The following THADA variants were observed in gnomAD, a reference collection of about 807,000 sequenced individuals.
THADA encodes the protein tRNA (32-2'-O)-methyltransferase regulator THADA.
Under a neutral mutation model 219.8 loss-of-function variants are expected in THADA, and 213 were observed. The observed-to-expected ratio is 0.97, with a 90% CI of 0.87 to 1.09. The LOEUF is 1.09. Ranked by LOEUF, THADA falls within the 50% of genes least tolerant of loss-of-function variation. The probability of loss-of-function intolerance (pLI) is 0.00; values close to 1 mark genes in which losing one functional copy is unlikely to be tolerated. For missense variants in THADA, 2,956 were observed against 2,311.3 expected (o/e 1.28, Z -5.72); for synonymous variants, 1,018 against 828.9 (o/e 1.23, Z -3.92).
At chr2:43,421,184 G>T (rs1677671274) in intron 28 of THADA, among the ~76,000 whole-genome samples, 1 of 152,208 alleles carries the variant, frequency 6.6e-6, no homozygotes, top group Admixed American at 6.5e-5. Flanking sequence ...CTGAACACCT[G>T]TGCCTCAACA....
chr2:43,576,399 AG>A (rs1262397707), intron 10 of THADA, among the ~76,000 whole-genome samples: 9 of 152,190 alleles, frequency 5.9e-5, no homozygotes, highest in African/African-American at 2.2e-4. Flanking sequence ...TTGCTGTTTC[AG>A]GTTCTTATTA....
rs186399134 is a variant in THADA at position 43,535,451 on chromosome 2, G to C, written c.3264+5708C>G. On this transcript the variant is annotated intron_variant, in intron 21 of 37. Transcript: ENST00000405975. ...CCTAGCATTTTGGGAGTCCACGTCG[G>C]GCAGATCACCTGAGGTCAGGAGTCT... Among the ~76,000 whole-genome samples the C allele has an allele frequency of 1.1e-4, 17 of 151,056 alleles. No individual in the cohort carries two copies. The East Asian group carries it at 3.3e-3, about 30-fold the overall frequency.
At chr2:43,436,701 T>G (rs761434453) in intron 26 of THADA, among the ~76,000 whole-genome samples, 12 of 152,184 alleles carry the variant, frequency 7.9e-5, no homozygotes, top group Non-Finnish European at 1.8e-4. Flanking sequence ...TAGAATACAT[T>G]CTTTGGACTA....
chr2:43,403,623 C>T (rs1675146822), intron 28 of THADA, among the ~76,000 whole-genome samples: 2 of 152,100 alleles, frequency 1.3e-5, no homozygotes. Flanking sequence ...CCCCCAGTTC[C>T]TCCCCATTTC....
chr2:43,474,949 G>C (rs1243723622), intron 26 of THADA, among the ~76,000 whole-genome samples: 2 of 152,116 alleles, frequency 1.3e-5, no homozygotes, highest in East Asian at 3.9e-4. Context: ...CACTTCTATA[G>C]AGGCAGTATA....
chr2:43,550,935 G>C (rs908733613), intron 19 of THADA, among the ~76,000 whole-genome samples: 15 of 152,174 alleles, frequency 9.9e-5, no homozygotes, highest in African/African-American at 3.6e-4. Flanking sequence ...CACAACACAG[G>C]AAGATCCCAT....
intron 36 of THADA, among the ~76,000 whole-genome samples, chr2:43,245,172 C>CTTCTTTTTTTTTTT (rs796699945): frequency 1.5e-4 from 15 of 103,090 alleles, no homozygotes; most frequent in African/African-American, 7.0e-4. Flanking sequence ...CTTTCTTCTT[C>CTTCTTTTTTTTTTT]TTTTTTTTTT....
chr2:43,416,697 G>T (rs1350203793), intron 28 of THADA, among the ~76,000 whole-genome samples: 3 of 152,108 alleles, frequency 2.0e-5, no homozygotes, highest in Non-Finnish European at 2.9e-5. Context: ...GTTTTGGCTG[G>T]TAACCTTTGG....
At chr2:43,366,451 C>T (rs1050987381) in intron 29 of THADA, among the ~76,000 whole-genome samples, 1 of 152,078 alleles carries the variant, frequency 6.6e-6, no homozygotes, top group Non-Finnish European at 1.5e-5. Context: ...CTCCAATCTC[C>T]AATTTCTCAG....
At chr2:43,240,030 C>G (rs1045465446) in intron 36 of THADA, among the ~76,000 whole-genome samples, 2 of 152,220 alleles carry the variant, frequency 1.3e-5, no homozygotes, top group Non-Finnish European at 2.9e-5. Flanking sequence ...TGTGACGAAA[C>G]AGTCGAAGAC....
intron 26 of THADA, among the ~76,000 whole-genome samples, chr2:43,474,796 A>C (rs967416033): frequency 6.6e-6 from 1 of 152,214 alleles, no homozygotes; most frequent in Non-Finnish European, 1.5e-5. Flanking sequence ...AGAGTATTAG[A>C]TGCTTCTAGA....
Position 43,498,761 on chromosome 2 carries a change from G to A in THADA, c.3744+72C>T, listed in dbSNP as rs1688578427. 2.8e-6 allele frequency: 4 copies of A among 1,441,056 alleles called. No individual in the cohort carries two copies. The African/African-American group carries it at 4.3e-5, about 15-fold the overall frequency. The allele number at this position is 1,441,056 out of a possible 1,614,324, so 89.3% of individuals were successfully genotyped here. A position where few individuals can be genotyped will look rare whatever the true frequency, so the allele number is the denominator to read the frequency against. The stretch of plus-strand genomic sequence containing the variant: ...CAGGAAATATTTTTTATCACCCAGT[G>A]AAAGATTAGTTTATTAAAACCTACT... On this transcript the variant is annotated intron_variant, in intron 25 of 37. Coordinates refer to ENST00000405975, the MANE Select transcript of THADA (RefSeq NM_022065.5).
chr2:43,267,040 G>C (rs1671605585), intron 36 of THADA, among the ~76,000 whole-genome samples: 1 of 152,092 alleles, frequency 6.6e-6, no homozygotes, highest in African/African-American at 2.4e-5. Flanking sequence ...TCTTGCTCTG[G>C]GTAATGCAAC....
At chr2:43,306,121 C>A (rs1676836114) in intron 31 of THADA, among the ~76,000 whole-genome samples, 1 of 152,068 alleles carries the variant, frequency 6.6e-6, no homozygotes, top group Non-Finnish European at 1.5e-5. Flanking sequence ...ATTCTCCCAA[C>A]TCAGCCTCAG....
chr2:43,497,221 T>C (rs976213834), intron 25 of THADA, among the ~76,000 whole-genome samples: 2 of 152,142 alleles, frequency 1.3e-5, no homozygotes, highest in African/African-American at 2.4e-5. Context: ...CATTCGACTA[T>C]AAAGATATAT....
intron 8 of THADA, among the ~76,000 whole-genome samples, chr2:43,579,254 C>T (rs571325741): frequency 6.6e-6 from 1 of 152,312 alleles, no homozygotes; most frequent in African/African-American, 2.4e-5. Flanking sequence ...AGCAACACCA[C>T]CTGTCCCCTC....
At chr2:43,260,330 AT>A (rs1185205909) in intron 36 of THADA, among the ~76,000 whole-genome samples, 2 of 152,058 alleles carry the variant, frequency 1.3e-5, no homozygotes, top group African/African-American at 4.8e-5. Flanking sequence ...GAGGATGAGC[AT>A]TTTTTTCATG....
chr2:43,570,214 C>G (rs1699139227), intron 14 of THADA, among the ~76,000 whole-genome samples, 174 bp downstream of exon 14: 1 of 152,096 alleles, frequency 6.6e-6, no homozygotes, highest in African/African-American at 2.4e-5. Flanking sequence ...TTCCATAACC[C>G]AGGCTACATC....
rs777886527 is a variant in THADA at position 43,581,781 on chromosome 2, C to T, written c.681G>A (p.Met227Ile). 2.4e-5 allele frequency: 39 copies of T among 1,612,266 alleles called. No homozygotes were observed. In the African/African-American group the frequency reaches 4.9e-4, roughly 20 times the overall value. Residue 227 changes from methionine (M) to isoleucine (I), a missense_variant, in exon 8 of 38, where the codon ATG becomes ATA. Met to Ile is a conservative substitution (Grantham distance 10). Transcript: ENST00000405975. ...TGGTAAAAATACTCAGCAATCCACA[C>T]ATATTTTGCCATATGGGAGAATCGG... ...KTSDSPIWQN[M>I]CGLLSIFTKV...
Sources: allele counts gnomAD v4.1 joint callset (sites outside exome capture counted in the v4.1 genomes callset), GRCh38; gene constraint gnomAD v4.1.1; transcripts MANE v1.5; gene names NCBI Gene and HGNC (gene_info 2026-07-23, HGNC 2026-07-21).